ANXA4: variants seen among roughly 807,000 people sequenced by gnomAD.
ANXA4 encodes annexin A4, also known as 35-beta calcimedin.
ANXA4 carries 39 observed loss-of-function variants against 49.8 expected under a neutral mutation model. That is an observed-to-expected ratio of 0.78 (90% CI 0.61 to 1.02). The LOEUF is 1.02. ANXA4 is among the 50% of genes least tolerant of loss of function. ANXA4 has a pLI of 0.00. For missense variants in ANXA4, 360 were observed against 410.1 expected, an observed-to-expected ratio of 0.88 and a Z score of 1.05; for synonymous variants, 134 against 152.5, an observed-to-expected ratio of 0.88 and a Z score of 0.89.
chr2:69,797,652 C>T (rs1673000177), intron 3 of ANXA4, among the ~76,000 whole-genome samples: 1 of 152,170 alleles, frequency 6.6e-6, no homozygotes, highest in African/African-American at 2.4e-5. Context: ...TATTTAGATG[C>T]CATTCTAGTT....
intron 1 of ANXA4, among the ~76,000 whole-genome samples, chr2:69,749,432 C>T (rs918235267): frequency 6.6e-6 from 1 of 152,090 alleles, no homozygotes; most frequent in Non-Finnish European, 1.5e-5. Context: ...CAGACATACA[C>T]ATTGCAGCCT....
intron 1 of ANXA4, among the ~76,000 whole-genome samples, chr2:69,761,493 G>A (rs892510427): frequency 1.4e-5 from 2 of 147,220 alleles, no homozygotes; most frequent in African/African-American, 5.2e-5. Context: ...AAAGGCTCTC[G>A]CTTTTAAAAC....
intron 1 of ANXA4, among the ~76,000 whole-genome samples, chr2:69,777,391 C>G (rs1036733794): frequency 6.6e-6 from 1 of 152,180 alleles, no homozygotes; most frequent in Non-Finnish European, 1.5e-5. Context: ...ACCAGCCCCC[C>G]ATCCTATAGT....
At chr2:69,724,512 G>C (rs770007210) in intron 3 of ANXA4, among the ~76,000 whole-genome samples, 3 of 152,184 alleles carry the variant, frequency 2.0e-5, no homozygotes, top group Non-Finnish European at 4.4e-5. Flanking sequence ...CACCATTACT[G>C]TCCTGGCTAG....
At chr2:69,746,945 C>T (rs1355017834) in intron 1 of ANXA4, among the ~76,000 whole-genome samples, 1 of 151,966 alleles carries the variant, frequency 6.6e-6, no homozygotes, top group Non-Finnish European at 1.5e-5. Flanking sequence ...TTGCAGTGAG[C>T]CAAAATTGCA....
intron 5 of ANXA4, 92 bp downstream of exon 5, chr2:69,806,590 A>T: frequency 2.0e-6 from 2 of 1,004,128 alleles, no homozygotes; most frequent in African/African-American, 1.6e-5. Context: ...AAAGACATGG[A>T]AGCAACCTAA....
intron 2 of ANXA4, among the ~76,000 whole-genome samples, chr2:69,657,518 A>G (rs1440230108): frequency 1.3e-5 from 2 of 152,206 alleles, no homozygotes. Flanking sequence ...ATTCTCCAAC[A>G]GTTAGAAATT....
At chr2:69,687,098 CA>C (rs1677816245) in intron 2 of ANXA4, among the ~76,000 whole-genome samples, 1 of 152,292 alleles carries the variant, frequency 6.6e-6, no homozygotes, top group African/African-American at 2.4e-5. Flanking sequence ...ATGAGAGGGA[CA>C]GGGGAGAGCT....
chr2:69,735,829 A>G (rs763781998), intron 3 of ANXA4, among the ~76,000 whole-genome samples: 8 of 152,068 alleles, frequency 5.3e-5, no homozygotes, highest in Non-Finnish European at 1.2e-4. Context: ...GTTAGTTCCC[A>G]CTCAGAATGT....
At chr2:69,666,994 T>C (rs1231471640) in intron 2 of ANXA4, among the ~76,000 whole-genome samples, 3 of 151,996 alleles carry the variant, frequency 2.0e-5, no homozygotes, top group East Asian at 3.8e-4. Context: ...TGCAGTGAGC[T>C]GAGATCACAT....
intron 2 of ANXA4, among the ~76,000 whole-genome samples, chr2:69,699,770 G>A (rs183838883): frequency 3.3e-5 from 5 of 152,208 alleles, no homozygotes; most frequent in Admixed American, 6.5e-5. Flanking sequence ...GAGGTGCCAG[G>A]AACAAAGAAT....
chr2:69,743,199 A>G lies in ANXA4; in HGVS notation c.-47+1024A>G, dbSNP rs1670470525. The stretch of plus-strand genomic sequence containing the variant: ...CTCAGCTATTCAGGAGGTAACTGGT[A>G]ACTCTATTGATAACCAAACCCTAGA... On this transcript the variant is annotated intron_variant, in intron 1 of 12. Coordinates refer to ENST00000394295, the MANE Select transcript of ANXA4 (RefSeq NM_001153.5). Among the ~76,000 whole-genome samples, 3 of 152,002 alleles carry G rather than the reference A, an allele frequency of 2.0e-5. No homozygotes were observed. The East Asian group carries it at 5.8e-4, about 29-fold the overall frequency.
intron 1 of ANXA4, among the ~76,000 whole-genome samples, chr2:69,777,678 C>G (rs1573237488): frequency 6.6e-6 from 1 of 152,334 alleles, no homozygotes; most frequent in South Asian, 2.1e-4. Flanking sequence ...ACACAGTAAG[C>G]CAATTTCTGC....
At chr2:69,815,918 G>A (rs1241998927) in intron 8 of ANXA4, 183 bp from the exon 9 acceptor site, 1 of 579,682 alleles carries the variant, frequency 1.7e-6, no homozygotes, top group South Asian at 2.2e-5. Context: ...GTATGACAGG[G>A]TCCCAACAGC....
At chr2:69,787,967 C>A in intron 2 of ANXA4, 87 bp from the exon 3 acceptor site, 5 of 1,134,176 alleles carry the variant, frequency 4.4e-6, no homozygotes, top group South Asian at 3.8e-5. Context: ...AGGCTATGGT[C>A]AGTGCTCAAC....
At chr2:69,757,266 ATTTTTTTTTTTTTTT>A (rs1177266386) in intron 1 of ANXA4, among the ~76,000 whole-genome samples, 2 of 27,644 alleles carry the variant, frequency 7.2e-5, no homozygotes, top group African/African-American at 2.5e-4. Flanking sequence ...ATATATATAT[ATTTTTTTTTTTTTTT>A]TTTTTTTTAG....
intron 2 of ANXA4, among the ~76,000 whole-genome samples, chr2:69,706,235 G>A (rs1573125069): frequency 7.0e-6 from 1 of 142,626 alleles, no homozygotes; most frequent in Non-Finnish European, 1.5e-5. Context: ...AGTATCTAGT[G>A]TGATGATTAT....
At chr2:69,802,835 C>T (rs893754079) in intron 3 of ANXA4, among the ~76,000 whole-genome samples, 2 of 152,076 alleles carry the variant, frequency 1.3e-5, no homozygotes, top group African/African-American at 4.8e-5. Flanking sequence ...GCCCCTTCCA[C>T]ACCCCCTCCT....
chr2:69,648,346 A>G (rs1676086747), intron 1 of ANXA4, among the ~76,000 whole-genome samples: 2 of 152,188 alleles, frequency 1.3e-5, no homozygotes, highest in South Asian at 4.1e-4. Context: ...GCCGTCTTTT[A>G]GCGAAGTGGA....
Sources: allele counts gnomAD v4.1 joint callset (sites outside exome capture counted in the v4.1 genomes callset), GRCh38; gene constraint gnomAD v4.1.1; transcripts MANE v1.5; gene names NCBI Gene and HGNC (gene_info 2026-07-23, HGNC 2026-07-21).